Variants in MRTFB observed in about 807,000 individuals in gnomAD.
MRTFB encodes myocardin related transcription factor B.
In MRTFB, 29 loss-of-function variants were observed where a neutral mutation model predicts 104.2. The observed-to-expected ratio is 0.28, with a 90% CI of 0.21 to 0.38. The LOEUF (loss-of-function observed/expected upper bound fraction) is 0.38, where lower values mean the gene tolerates loss of function less well. Ranked by LOEUF, MRTFB falls within the 10% of genes least tolerant of loss-of-function variation. The pLI is 1.00. For synonymous variants in MRTFB, 535 were observed against 519.5 expected (o/e 1.03, Z -0.41); for missense variants, 1,270 against 1,341.6 (o/e 0.95, Z 0.83).
At chr16:14,103,360 A>G (rs944084265) in intron 2 of MRTFB, among the ~76,000 whole-genome samples, 10 of 152,078 alleles carry the variant, frequency 6.6e-5, no homozygotes, top group East Asian at 1.9e-4. Context: ...AGAATATACA[A>G]TTTATCCTAA....
the MRTFB span, among the ~76,000 whole-genome samples, chr16:14,042,986 C>T: frequency 1.3e-5 from 2 of 152,130 alleles, no homozygotes; most frequent in African/African-American, 4.8e-5. Context: ...GCCTCCTGGC[C>T]CTGGAGAGGG....
At chr16:14,246,274 C>T (rs758120454) in intron 11 of MRTFB, among the ~76,000 whole-genome samples, 199 bp from the exon 12 acceptor site, 4 of 152,144 alleles carry the variant, frequency 2.6e-5, no homozygotes, top group South Asian at 2.1e-4. Context: ...AAACCCTTAC[C>T]GTATCACTGG....
intron 3 of MRTFB, 151 bp downstream of exon 3, chr16:14,140,911 C>A: frequency 1.5e-6 from 1 of 667,168 alleles, no homozygotes; most frequent in Non-Finnish European, 2.4e-6. Context: ...TTTTTAATAA[C>A]AGGCAGAATT....
the MRTFB span, among the ~76,000 whole-genome samples, chr16:14,030,929 G>C: frequency 6.6e-6 from 1 of 152,220 alleles, no homozygotes; most frequent in Non-Finnish European, 1.5e-5. Flanking sequence ...ATTCTCAACT[G>C]GGGGCTCTGA....
At chr16:14,132,001 A>G (rs6498504) in intron 2 of MRTFB, among the ~76,000 whole-genome samples, 22,957 of 152,130 alleles carry the variant, frequency 0.15, 4,184 homozygotes, top group African/African-American at 0.44. Flanking sequence ...CAACATTCGT[A>G]GTAGCCAGAA....
chr16:14,003,367 C>T, the MRTFB span, among the ~76,000 whole-genome samples: 1 of 152,224 alleles, frequency 6.6e-6, no homozygotes. Context: ...TCTGCCCCTT[C>T]CACTTCCCTC....
At chr16:14,247,738 A>G in intron 12 of MRTFB, 1 of 549,322 alleles carries the variant, frequency 1.8e-6, no homozygotes, top group South Asian at 2.4e-5. Flanking sequence ...TTTCCCTTGA[A>G]TGAACACAGT....
chr16:14,033,392 TATCA>T, the MRTFB span, among the ~76,000 whole-genome samples: 3 of 150,546 alleles, frequency 2.0e-5, no homozygotes, highest in African/African-American at 7.4e-5. Flanking sequence ...CAAAAAAATG[TATCA>T]ATTAGTCAGG....
At chr16:14,196,609 G>A (rs1282322868) in intron 3 of MRTFB, among the ~76,000 whole-genome samples, 1 of 152,158 alleles carries the variant, frequency 6.6e-6, no homozygotes, top group African/African-American at 2.4e-5. Flanking sequence ...ACTTGATGTT[G>A]TTGCTCCCTT....
the MRTFB span, among the ~76,000 whole-genome samples, chr16:14,034,846 T>G: frequency 6.6e-6 from 1 of 152,116 alleles, no homozygotes; most frequent in African/African-American, 2.4e-5. Flanking sequence ...AGGACACAAT[T>G]CGACCCCTAA....
At chr16:14,239,955 C>T (rs904694293) in intron 9 of MRTFB, among the ~76,000 whole-genome samples, 3 of 152,194 alleles carry the variant, frequency 2.0e-5, no homozygotes, top group Non-Finnish European at 2.9e-5. Context: ...TGTGTTCACA[C>T]GGGAGACCCA....
the MRTFB span, among the ~76,000 whole-genome samples, chr16:14,034,936 C>T: frequency 6.6e-6 from 1 of 152,172 alleles, no homozygotes; most frequent in Admixed American, 6.5e-5. Context: ...TGTCCGGGCC[C>T]CTATCTCCTC....
the MRTFB span, among the ~76,000 whole-genome samples, chr16:14,011,435 T>C: frequency 3.9e-5 from 6 of 152,304 alleles, no homozygotes; most frequent in Admixed American, 3.3e-4. Flanking sequence ...AGGGATAACA[T>C]GATGTGGCCA....
chr16:14,010,587 C>T, the MRTFB span, among the ~76,000 whole-genome samples: 1 of 152,142 alleles, frequency 6.6e-6, no homozygotes, highest in Non-Finnish European at 1.5e-5. Flanking sequence ...AGGTGCGTGC[C>T]ACCATGCCTG....
the MRTFB span, among the ~76,000 whole-genome samples, chr16:14,041,180 T>A: frequency 3.3e-5 from 5 of 151,058 alleles, no homozygotes. Context: ...GAGGGGAGGA[T>A]TTTAAATTGT....
At chr16:14,071,132 C>T (rs150929829), upstream of MRTFB, among the ~76,000 whole-genome samples, 2 of 152,256 alleles carry the variant, frequency 1.3e-5, no homozygotes, top group East Asian at 1.9e-4. Flanking sequence ...GGGCTTTAAC[C>T]CTTCCCAGTC....
intron 3 of MRTFB, among the ~76,000 whole-genome samples, chr16:14,192,636 T>A (rs1361727880): frequency 1.3e-5 from 2 of 152,136 alleles, no homozygotes; most frequent in Non-Finnish European, 2.9e-5. Flanking sequence ...AGAAACTAAA[T>A]GATAGTAGAA....
intron 8 of MRTFB, among the ~76,000 whole-genome samples, chr16:14,227,928 G>A (rs1200383485): frequency 6.7e-6 from 1 of 148,912 alleles, no homozygotes; most frequent in Non-Finnish European, 1.5e-5. Context: ...AGGTTTGAAT[G>A]TGGTTTTTGT....
At chr16:14,134,038 C>CAA (rs113157183) in intron 2 of MRTFB, among the ~76,000 whole-genome samples, 1 of 151,912 alleles carries the variant, frequency 6.6e-6, no homozygotes, top group African/African-American at 2.4e-5. Context: ...ATGAATATTT[C>CAA]AAAAAATGGT....
Sources: gnomAD v4.1 joint callset for allele counts (sites outside exome capture counted in the v4.1 genomes callset) on GRCh38, gnomAD v4.1.1 for gene constraint, MANE v1.5 for transcripts, NCBI Gene and HGNC (gene_info 2026-07-23, HGNC 2026-07-21) for gene names.